Variants in SMAD4 observed in about 807,000 individuals in gnomAD.
SMAD4 encodes SMAD family member 4.
A neutral mutation model predicts 63.2 loss-of-function variants in SMAD4; 7 were observed. That is an observed-to-expected ratio of 0.11 (90% CI 0.06 to 0.21). The LOEUF (loss-of-function observed/expected upper bound fraction) is 0.21. SMAD4 is among the 10% of genes least tolerant of loss of function. The probability of loss-of-function intolerance (pLI) is 1.00; values close to 1 mark genes in which losing one functional copy is unlikely to be tolerated. For synonymous variants in SMAD4, 215 were observed against 235.4 expected (o/e 0.91, Z 0.79); for missense variants, 312 against 693.8 (o/e 0.45, Z 6.18).
intron 10 of SMAD4, among the ~76,000 whole-genome samples, chr18:51,069,987 C>CATG (rs1910273425): frequency 6.6e-6 from 1 of 152,178 alleles, no homozygotes; most frequent in Admixed American, 6.5e-5. Context: ...ATATGAATTT[C>CATG]ATGATCAGTT....
chr18:51,046,809 A>G, intron 1 of SMAD4, 111 bp from the exon 2 acceptor site: 3 of 436,402 alleles, frequency 6.9e-6, no homozygotes, highest in Non-Finnish European at 1.2e-5. Flanking sequence ...AATTTTAATT[A>G]TGTGCATTGA....
intron 1 of SMAD4, among the ~76,000 whole-genome samples, chr18:51,031,889 CTTT>C (rs1227726948): frequency 6.6e-6 from 1 of 151,804 alleles, no homozygotes; most frequent in Admixed American, 6.6e-5. Flanking sequence ...TAAAATGTAA[CTTT>C]TTTTTAATGC....
intron 1 of SMAD4, among the ~76,000 whole-genome samples, chr18:51,040,206 C>G (rs942533986): frequency 6.6e-6 from 1 of 152,092 alleles, no homozygotes; most frequent in Non-Finnish European, 1.5e-5. Flanking sequence ...GCGGGCAGAT[C>G]ATGAGGTCAG....
chr18:51,035,354 A>G (rs541648376), intron 1 of SMAD4, among the ~76,000 whole-genome samples: 4 of 152,014 alleles, frequency 2.6e-5, no homozygotes, highest in South Asian at 2.1e-4. Flanking sequence ...TTTGGAGACT[A>G]ATTACTTTAA....
rs1053158497 is a variant in SMAD4 at position 51,047,206 on chromosome 18, T to C, written c.160T>C (p.Leu54=). ...GAAGCTGAAGGAGAAAAAAGATGAA[T>C]TGGATTCTTTAATAACAGCTATAAC... is the stretch of plus-strand genomic sequence containing the variant. ...VKKLKEKKDE[L]DSLITAITTN... Residue 54 remains leucine (L), a synonymous_variant, in exon 2 of 12, where the codon TTG becomes CTG. Transcript: ENST00000342988. The C allele has an allele frequency of 1.9e-6, 3 of 1,613,772 alleles. No homozygotes were observed. The highest frequency in any genetic ancestry group is 1.6e-4 in the Middle Eastern group (1 of 6,078).
chr18:51,058,154 C>A lies in SMAD4; in HGVS notation c.697C>A (p.His233Asn), dbSNP rs552880257. Residue 233 changes from histidine (H) to asparagine (N), a missense_variant, in exon 6 of 12, where the codon CAT becomes AAT. This residue lies in a region of SMAD4 where 169 missense variants were observed against 211.0 expected (regional missense o/e 0.80). Transcript: ENST00000342988. ...GCCTGCCAGTATACTGGGGGGCAGCCATAGTGAAGGACTGTTGCAGATAGC... is the reference window on the plus strand; with the variant it reads ...GCCTGCCAGTATACTGGGGGGCAGCAATAGTGAAGGACTGTTGCAGATAGC... ...SQPASILGGS[H>N]SEGLLQIASG... 6.2e-7 allele frequency: 1 copy of A among 1,614,134 alleles called. No homozygotes were observed. The highest frequency in any genetic ancestry group is 1.3e-5 in the African/African-American group (1 of 75,032).
chr18:51,068,292 A>G (rs1410067896), intron 10 of SMAD4, among the ~76,000 whole-genome samples: 1 of 152,222 alleles, frequency 6.6e-6, no homozygotes, highest in Non-Finnish European at 1.5e-5. Context: ...CAGCTGCAAC[A>G]ATTATCAGCA....
At chr18:51,038,661 T>C (rs1054596113) in intron 1 of SMAD4, among the ~76,000 whole-genome samples, 1 of 152,252 alleles carries the variant, frequency 6.6e-6, no homozygotes, top group African/African-American at 2.4e-5. Context: ...CCTATTAAGC[T>C]AGGCATTAAG....
At position 51,081,576 on chromosome 18, in the gene SMAD4, T is replaced by C. The variant is rs886053910; in HGVS notation, c.*3109T>C. The C allele has an allele frequency of 4.3e-6, 1 of 232,554 alleles. No individual in the cohort carries two copies. 14.4% of individuals were successfully genotyped at this position (232,554 alleles called of 1,614,324 possible). A position where few individuals can be genotyped will look rare whatever the true frequency, so the allele number is the denominator to read the frequency against. ...GAACAGTGCAGATTTACAGGTTGCATGGTCTGGCTTAAGGAGAGCCATACT... is the reference window on the plus strand; with the variant it reads ...GAACAGTGCAGATTTACAGGTTGCACGGTCTGGCTTAAGGAGAGCCATACT... On this transcript the variant is annotated 3_prime_UTR_variant, in exon 12 of 12. Transcript: ENST00000342988.
Position 51,047,319 on chromosome 18 carries a change from A to G in SMAD4, c.249+24A>G, listed in dbSNP as rs77389132. 3,908 of 1,607,350 alleles carry G rather than the reference A, an allele frequency of 2.4e-3. 71 individuals carry two copies. In the East Asian group the frequency reaches 0.039, roughly 16 times the overall value. On this transcript the variant is annotated intron_variant, in intron 2 of 11. Coordinates refer to ENST00000342988, the MANE Select transcript of SMAD4 (RefSeq NM_005359.6). ...AGGTTAGTCTTATAAGAGTTTTTCT[A>G]TACCCTCTATGGTGGCAGATTTAAA...
intron 5 of SMAD4, among the ~76,000 whole-genome samples, chr18:51,055,795 C>T (rs896696765): frequency 2.0e-5 from 3 of 151,254 alleles, no homozygotes; most frequent in South Asian, 2.1e-4. Flanking sequence ...TTTATGTAAA[C>T]CCACATCAGA....
At chr18:51,048,989 A>T in intron 3 of SMAD4, 129 bp downstream of exon 3, 2 of 813,946 alleles carry the variant, frequency 2.5e-6, no homozygotes, top group Non-Finnish European at 4.0e-6. Context: ...AAAGAATCAG[A>T]CATTTTTAAT....
intron 2 of SMAD4, 98 bp downstream of exon 2, chr18:51,047,393 C>A (rs547314824): frequency 1.9e-6 from 2 of 1,073,324 alleles, no homozygotes; most frequent in Non-Finnish European, 2.9e-6. Context: ...TTAATTTGTG[C>A]TCCATCTCTT....
intron 1 of SMAD4, among the ~76,000 whole-genome samples, chr18:51,035,528 TAA>T (rs1178431419): frequency 1.3e-5 from 2 of 152,094 alleles, no homozygotes; most frequent in Non-Finnish European, 2.9e-5. Flanking sequence ...AATAAATAAA[TAA>T]ATAAATATAA....
intron 1 of SMAD4, 76 bp downstream of exon 1, chr18:51,030,699 G>C (rs1909016701): frequency 6.7e-6 from 1 of 150,300 alleles, no homozygotes; most frequent in Non-Finnish European, 1.5e-5. Flanking sequence ...GCCCCGGGGC[G>C]GGCTCCCGAC....
Position 51,047,003 on chromosome 18 carries a change from A to C in SMAD4, c.-44A>C. 6.3e-7 allele frequency: 1 copy of C among 1,591,360 alleles called. No individual in the cohort carries two copies. On this transcript the variant is annotated 5_prime_UTR_variant, in exon 2 of 12. Transcript: ENST00000342988. ...GTTTCCAAAGGATCAAAATTGCTTCAGAAATTGGAGACATATTTGATTTAA... is the reference window on the plus strand; with the variant it reads ...GTTTCCAAAGGATCAAAATTGCTTCCGAAATTGGAGACATATTTGATTTAA...
At position 51,048,873 on chromosome 18, in the gene SMAD4, T is replaced by C. The variant is rs2144406435; in HGVS notation, c.424+13T>C. 1 of 1,608,292 alleles carries C rather than the reference T, an allele frequency of 6.2e-7. No individual in the cohort carries two copies. Among genetic ancestry groups the C allele is most frequent in the Non-Finnish European group, 8.5e-7 (1 of 1,175,272 alleles). On this transcript the variant is annotated intron_variant, in intron 3 of 11. Coordinates refer to ENST00000342988, the MANE Select transcript of SMAD4 (RefSeq NM_005359.6). ...TCACCTGGAATTGGTAAGTAGACTT[T>C]GCTTTCATCCTAAGAAACATAAAGG...
chr18:51,078,366 G>C lies in SMAD4; in HGVS notation c.1558G>C (p.Glu520Gln), dbSNP rs1599205419. ...GPDYPRQSIK[E>Q]TPCWIEIHLH... ...GGATTACCCAAGACAGAGCATCAAA[G>C]AAACACCTTGCTGGATTGAAATTCA... Residue 520 changes from glutamate (E) to glutamine (Q), a missense_variant, in exon 12 of 12, where the codon GAA becomes CAA. Physicochemically the swap from Glu to Gln is conservative, Grantham distance 29. Around this residue, in one of 4 missense-constraint regions of SMAD4, gnomAD observed 92 missense variants for 305.9 expected, o/e 0.30. Coordinates refer to ENST00000342988, the MANE Select transcript of SMAD4 (RefSeq NM_005359.6). 1 of 1,614,192 alleles carries C rather than the reference G, an allele frequency of 6.2e-7. No individual in the cohort carries two copies.
intron 10 of SMAD4, among the ~76,000 whole-genome samples, chr18:51,067,769 A>G (rs1057179965): frequency 6.6e-6 from 1 of 152,172 alleles, no homozygotes; most frequent in African/African-American, 2.4e-5. Context: ...GAAGCCTCCA[A>G]AGTTGTATTC....
Sources: allele counts gnomAD v4.1 joint callset (sites outside exome capture counted in the v4.1 genomes callset), GRCh38; gene constraint gnomAD v4.1.1; regional missense constraint gnomAD v4.1.1; transcripts MANE v1.5; gene names NCBI Gene and HGNC (gene_info 2026-07-23, HGNC 2026-07-21).